Variants in CNTNAP2 observed in about 807,000 individuals in gnomAD.
CNTNAP2 encodes the protein contactin-associated protein-like 2.
CNTNAP2 carries 98 observed loss-of-function variants against 155.2 expected under a neutral mutation model. The observed-to-expected ratio is 0.63, with a 90% confidence interval of 0.54 to 0.75. The LOEUF is 0.75. Among genes scored for constraint, CNTNAP2 ranks in the 30% least tolerant of loss-of-function variants. CNTNAP2 has a pLI of 0.00. For synonymous variants in CNTNAP2, 651 were observed against 631.2 expected, an observed-to-expected ratio of 1.03 and a Z score of -0.47; for missense variants, 1,727 against 1,688.1, an observed-to-expected ratio of 1.02 and a Z score of -0.40.
intron 1 of CNTNAP2, 28 bp downstream of exon 1, chr7:146,117,001 T>C (rs1355858984): frequency 7.8e-6 from 12 of 1,537,170 alleles, no homozygotes; most frequent in Middle Eastern, 1.7e-4. Flanking sequence ...CGCTCTGCTC[T>C]GGAGCAGTTT....
intron 1 of CNTNAP2, among the ~76,000 whole-genome samples, chr7:146,411,727 A>G (rs945074843): frequency 6.6e-6 from 1 of 152,102 alleles, no homozygotes. Context: ...AGGGTGGTAT[A>G]ATATAAAGTC....
chr7:146,632,405 G>A (rs1799524450), intron 1 of CNTNAP2, among the ~76,000 whole-genome samples: 1 of 152,004 alleles, frequency 6.6e-6, no homozygotes, highest in African/African-American at 2.4e-5. Flanking sequence ...AATATAAAAT[G>A]CCTCAAATAT....
chr7:147,600,185 A>T (rs753908136), intron 12 of CNTNAP2, among the ~76,000 whole-genome samples: 3 of 152,172 alleles, frequency 2.0e-5, no homozygotes, highest in Non-Finnish European at 4.4e-5. Flanking sequence ...TCATAACTTG[A>T]TCACTCCTAT....
At chr7:146,961,856 A>G (rs117119115) in intron 3 of CNTNAP2, among the ~76,000 whole-genome samples, 2 of 152,138 alleles carry the variant, frequency 1.3e-5, no homozygotes, top group African/African-American at 4.8e-5. Flanking sequence ...AATGAGCTAA[A>G]TTTGACTCCT....
At chr7:146,692,730 C>CA (rs1033166080) in intron 1 of CNTNAP2, among the ~76,000 whole-genome samples, 6 of 152,028 alleles carry the variant, frequency 3.9e-5, no homozygotes, top group Admixed American at 3.9e-4. Flanking sequence ...GTTTTAATTG[C>CA]AAAGTTTCTG....
rs1490418389 is a variant in CNTNAP2, at chr7:148,106,493, G to GATAGATAGATAGATATATATAT, written c.2384-11622_2384-11621insGATAGATAGATATATATATATA. On this transcript the variant is annotated intron_variant, in intron 15 of 23. Transcript: ENST00000361727. ...CACTTCAGTGTACTGCACACTTTGA[G>GATAGATAGATAGATATATATAT]ATATATATATATATATATATATATA... is the stretch of plus-strand genomic sequence containing the variant. Among the ~76,000 whole-genome samples the GATAGATAGATAGATATATATAT allele has an allele frequency of 2.1e-3, 258 of 124,894 alleles. 2 individuals are homozygous for GATAGATAGATAGATATATATAT. The highest frequency in any genetic ancestry group is 8.1e-3 in the African/African-American group (234 of 28,978). 81.9% of individuals were successfully genotyped at this position (124,894 alleles called of 152,430 possible).
chr7:146,636,091 A>C (rs890458122), intron 1 of CNTNAP2, among the ~76,000 whole-genome samples: 8 of 151,946 alleles, frequency 5.3e-5, no homozygotes, highest in African/African-American at 1.7e-4. Flanking sequence ...TGTGGGTCAT[A>C]AAGGCAAAGC....
intron 9 of CNTNAP2, among the ~76,000 whole-genome samples, chr7:147,368,406 A>C (rs1289548136): frequency 6.6e-6 from 1 of 152,112 alleles, no homozygotes; most frequent in African/African-American, 2.4e-5. Flanking sequence ...AACAGTGGCA[A>C]GCCTGGAAAC....
At chr7:147,132,845 C>A (rs1334110415) in intron 8 of CNTNAP2, among the ~76,000 whole-genome samples, 1 of 152,042 alleles carries the variant, frequency 6.6e-6, no homozygotes, top group Non-Finnish European at 1.5e-5. Flanking sequence ...TTTAAAAACA[C>A]AATTGTATCT....
chr7:147,874,005 A>T (rs1186814905), intron 13 of CNTNAP2, among the ~76,000 whole-genome samples: 1 of 152,210 alleles, frequency 6.6e-6, no homozygotes, highest in Non-Finnish European at 1.5e-5. Flanking sequence ...CATCCAGGTC[A>T]CAATGATGCC....
At chr7:146,860,940 A>G (rs905147933) in intron 3 of CNTNAP2, among the ~76,000 whole-genome samples, 9 of 152,172 alleles carry the variant, frequency 5.9e-5, no homozygotes, top group African/African-American at 2.2e-4. Context: ...GCCAGCTCTC[A>G]TATTTATCAC....
intron 10 of CNTNAP2, among the ~76,000 whole-genome samples, chr7:147,443,712 C>A (rs1420706077): frequency 6.6e-6 from 1 of 152,126 alleles, no homozygotes; most frequent in Non-Finnish European, 1.5e-5. Context: ...CTGTATAGGC[C>A]TTCCAGACAT....
intron 9 of CNTNAP2, among the ~76,000 whole-genome samples, chr7:147,382,879 A>G (rs1248204760): frequency 6.6e-6 from 1 of 152,090 alleles, no homozygotes; most frequent in East Asian, 1.9e-4. Flanking sequence ...AATTATCAAG[A>G]AGAGAGTGGC....
chr7:146,516,024 A>T (rs1797535909), intron 1 of CNTNAP2, among the ~76,000 whole-genome samples: 3 of 152,046 alleles, frequency 2.0e-5, no homozygotes, highest in African/African-American at 7.2e-5. Context: ...GCTGAAGTAG[A>T]TCATCATAAT....
chr7:146,170,802 C>A (rs1009405955), intron 1 of CNTNAP2, among the ~76,000 whole-genome samples: 1 of 151,938 alleles, frequency 6.6e-6, no homozygotes, highest in East Asian at 1.9e-4. Flanking sequence ...CCGAGGCAGG[C>A]GGATCACGAG....
chr7:146,520,912 G>T (rs920022660), intron 1 of CNTNAP2, among the ~76,000 whole-genome samples: 2 of 151,982 alleles, frequency 1.3e-5, no homozygotes, highest in Admixed American at 6.6e-5. Context: ...AGCTTTCAAA[G>T]TACCAGATAG....
At chr7:147,067,191 T>C (rs1799796917) in intron 4 of CNTNAP2, among the ~76,000 whole-genome samples, 1 of 146,642 alleles carries the variant, frequency 6.8e-6, no homozygotes, top group Non-Finnish European at 1.5e-5. Context: ...CTCAGGAGGC[T>C]GAAGCAGGAG....
At chr7:146,778,006 T>C (rs1272025126) in intron 2 of CNTNAP2, among the ~76,000 whole-genome samples, 2 of 152,110 alleles carry the variant, frequency 1.3e-5, no homozygotes, top group African/African-American at 4.8e-5. Context: ...AATCCAGGAA[T>C]GTTGGAGATA....
At chr7:147,564,540 G>T (rs1800129130) in intron 12 of CNTNAP2, among the ~76,000 whole-genome samples, 1 of 151,946 alleles carries the variant, frequency 6.6e-6, no homozygotes, top group South Asian at 2.1e-4. Context: ...GGAAATCAGG[G>T]CATCGTGGCT....
Sources: allele counts gnomAD v4.1 joint callset (sites outside exome capture counted in the v4.1 genomes callset), GRCh38; gene constraint gnomAD v4.1.1; transcripts MANE v1.5; gene names NCBI Gene and HGNC (gene_info 2026-07-23, HGNC 2026-07-21).